DDX10: variants seen among roughly 807,000 people sequenced by gnomAD.
DDX10 encodes the protein DEAD-box helicase 10, also known as probable ATP-dependent RNA helicase DDX10.
Under a neutral mutation model 104.3 loss-of-function variants are expected in DDX10, and 74 were observed. That is an observed-to-expected ratio of 0.71 (90% CI 0.59 to 0.86). DDX10 has a LOEUF of 0.86. Among genes scored for constraint, DDX10 ranks in the 40% least tolerant of loss-of-function variants. DDX10 has a pLI of 0.00. For missense variants in DDX10, 952 were observed against 1,040.0 expected, an observed-to-expected ratio of 0.92 and a Z score of 1.16; for synonymous variants, 351 against 353.4, an observed-to-expected ratio of 0.99 and a Z score of 0.08.
Position 108,931,013 on chromosome 11 carries a change from T to G in DDX10, c.2451-9233T>G, listed in dbSNP as rs529088572. Among the ~76,000 whole-genome samples the G allele has an allele frequency of 2.2e-4, 34 of 152,248 alleles. 1 individual carries two copies. In the South Asian group the frequency reaches 7.1e-3, roughly 32 times the overall value. On this transcript the variant is annotated intron_variant, in intron 17 of 17. Transcript: ENST00000322536. ...ACAGGGACCCAGAACCTCTCTTCCC[T>G]CCAACAACATTTGTCCCAGACCCCT...
intron 13 of DDX10, among the ~76,000 whole-genome samples, chr11:108,781,210 C>T (rs1240483293): frequency 6.6e-6 from 1 of 152,174 alleles, no homozygotes; most frequent in Admixed American, 6.6e-5. Flanking sequence ...CCACCAGCTC[C>T]ACCCATGTTG....
intron 5 of DDX10, among the ~76,000 whole-genome samples, chr11:108,678,697 C>G (rs1003691323): frequency 6.6e-6 from 1 of 152,044 alleles, no homozygotes; most frequent in Non-Finnish European, 1.5e-5. Context: ...TTAACACCTG[C>G]TTCTAATAAC....
intron 13 of DDX10, among the ~76,000 whole-genome samples, chr11:108,757,052 C>G (rs923018752): frequency 4.6e-5 from 7 of 151,996 alleles, no homozygotes; most frequent in Non-Finnish European, 7.4e-5. Context: ...CTGTGTTAAA[C>G]TTTTCACTTT....
At chr11:108,841,585 C>T in intron 15 of DDX10, 109 bp downstream of exon 15, 1 of 1,021,832 alleles carries the variant, frequency 9.8e-7, no homozygotes, top group Non-Finnish European at 1.4e-6. Context: ...TCATTGTTTT[C>T]TCTGACACTT....
chr11:108,806,666 G>A (rs1565284716), intron 13 of DDX10, among the ~76,000 whole-genome samples: 1 of 152,160 alleles, frequency 6.6e-6, no homozygotes, highest in East Asian at 1.9e-4. Flanking sequence ...TTTAAATGTG[G>A]TGGCCAGCAA....
At chr11:108,688,723 C>T (rs1199456210) in intron 6 of DDX10, among the ~76,000 whole-genome samples, 6 of 152,146 alleles carry the variant, frequency 3.9e-5, no homozygotes, top group Non-Finnish European at 8.8e-5. Flanking sequence ...CTTTGTTTGA[C>T]ATTGATTTAC....
chr11:108,813,328 T>C (rs907625580), intron 13 of DDX10, among the ~76,000 whole-genome samples: 3 of 152,192 alleles, frequency 2.0e-5, no homozygotes, highest in Non-Finnish European at 4.4e-5. Context: ...TAGGAAGGAA[T>C]TCGTATCTTA....
At chr11:108,797,649 TG>T (rs1227704940) in intron 13 of DDX10, among the ~76,000 whole-genome samples, 1 of 152,246 alleles carries the variant, frequency 6.6e-6, no homozygotes, top group African/African-American at 2.4e-5. Context: ...TCATATAATT[TG>T]TAAGGAGAGC....
intron 13 of DDX10, among the ~76,000 whole-genome samples, chr11:108,781,726 A>C (rs2094378317): frequency 6.6e-6 from 1 of 152,178 alleles, no homozygotes; most frequent in Non-Finnish European, 1.5e-5. Context: ...AAACCAAAGA[A>C]TCGCCCTCTC....
intron 16 of DDX10, among the ~76,000 whole-genome samples, chr11:108,856,433 A>C (rs1423045448): frequency 6.6e-6 from 1 of 152,076 alleles, no homozygotes; most frequent in Non-Finnish European, 1.5e-5. Flanking sequence ...TCTGTCTCAA[A>C]CAAAACAAAC....
chr11:108,880,582 C>T (rs1293778214), intron 16 of DDX10, among the ~76,000 whole-genome samples: 1 of 152,098 alleles, frequency 6.6e-6, no homozygotes, highest in African/African-American at 2.4e-5. Context: ...ATTCAAATGA[C>T]AGTCTCATTT....
At chr11:108,878,167 C>T (rs532774699) in intron 16 of DDX10, among the ~76,000 whole-genome samples, 19 of 152,234 alleles carry the variant, frequency 1.2e-4, no homozygotes, top group African/African-American at 4.6e-4. Context: ...CAAGATATTT[C>T]AGTGTAATGA....
chr11:108,790,437 A>T (rs1218610810), intron 13 of DDX10, among the ~76,000 whole-genome samples: 1 of 152,182 alleles, frequency 6.6e-6, no homozygotes, highest in Non-Finnish European at 1.5e-5. Flanking sequence ...TATAATCTAT[A>T]TTGCCTTTTC....
intron 17 of DDX10, chr11:108,929,562 T>C (rs1359982893): frequency 1.3e-5 from 2 of 152,180 alleles, no homozygotes; most frequent in African/African-American, 2.4e-5. Flanking sequence ...ACTGACTTCA[T>C]AGAAGGTGAT....
intron 1 of DDX10, among the ~76,000 whole-genome samples, chr11:108,673,211 G>A (rs929265269): frequency 4.6e-5 from 7 of 152,180 alleles, no homozygotes; most frequent in African/African-American, 1.7e-4. Flanking sequence ...AGGTCAGATA[G>A]TAGTATGTGT....
chr11:108,902,928 A>G (rs1254726616), intron 16 of DDX10, among the ~76,000 whole-genome samples: 1 of 152,104 alleles, frequency 6.6e-6, no homozygotes, highest in African/African-American at 2.4e-5. Flanking sequence ...TATTTTTTAA[A>G]TAGTGATAAT....
intron 13 of DDX10, among the ~76,000 whole-genome samples, chr11:108,731,362 T>C (rs1033328943): frequency 6.6e-6 from 1 of 152,110 alleles, no homozygotes; most frequent in African/African-American, 2.4e-5. Context: ...TTTTTTGAAC[T>C]ACCTCACCTA....
chr11:108,680,233 G>A (rs1371800057), intron 6 of DDX10, among the ~76,000 whole-genome samples: 4 of 151,786 alleles, frequency 2.6e-5, no homozygotes, highest in Admixed American at 6.6e-5. Context: ...TCTTTTTTTC[G>A]AGACAGGGTC....
chr11:108,926,100 GAAA>G (rs1156965981), intron 17 of DDX10, among the ~76,000 whole-genome samples: 10 of 152,078 alleles, frequency 6.6e-5, no homozygotes, highest in Middle Eastern at 6.8e-3. Flanking sequence ...TTAGCTGTGA[GAAA>G]AAGGCATAGC....
Sources: allele counts gnomAD v4.1 joint callset (sites outside exome capture counted in the v4.1 genomes callset), GRCh38; gene constraint gnomAD v4.1.1; transcripts MANE v1.5; gene names NCBI Gene and HGNC (gene_info 2026-07-23, HGNC 2026-07-21).